The following METTL3 variants were observed in gnomAD, a reference collection of about 807,000 sequenced individuals.
The protein encoded by METTL3 is N(6)-adenosine-methyltransferase catalytic subunit METTL3.
A neutral mutation model predicts 64.3 loss-of-function variants in METTL3; 42 were observed. The ratio of observed to expected loss-of-function variants is 0.65; its 90% confidence interval spans 0.51 to 0.84. METTL3 has a LOEUF of 0.84. Ranked by LOEUF, METTL3 falls within the 40% of genes least tolerant of loss-of-function variation. METTL3 has a pLI of 0.00. For missense variants in METTL3, 435 were observed against 722.3 expected (o/e 0.60, Z 4.56); for synonymous variants, 256 against 263.6 (o/e 0.97, Z 0.28).
At chr14:21,502,311 A>G (rs1381527503) in intron 3 of METTL3, 1 of 166,266 alleles carries the variant, frequency 6.0e-6, no homozygotes, top group Non-Finnish European at 1.3e-5. Context: ...GGAATGAGCC[A>G]TTGTGCCTAG....
chr14:21,500,771 C>T (rs1305890026), intron 5 of METTL3, 89 bp from the exon 6 acceptor site: 2 of 1,469,308 alleles, frequency 1.4e-6, no homozygotes, highest in Non-Finnish European at 1.9e-6. Flanking sequence ...TTTTCCTATT[C>T]CCTTAAAAGC....
intron 1 of METTL3, 105 bp from the exon 2 acceptor site, chr14:21,503,986 TG>T: frequency 9.3e-7 from 1 of 1,070,130 alleles, no homozygotes; most frequent in Non-Finnish European, 1.3e-6. Context: ...TCTTTCATTT[TG>T]TGCAGGAAAT....
At chr14:21,508,689 G>T (rs1891756934) in intron 1 of METTL3, among the ~76,000 whole-genome samples, 1 of 152,172 alleles carries the variant, frequency 6.6e-6, no homozygotes, top group Admixed American at 6.5e-5. Flanking sequence ...GAGGTTGGGA[G>T]TTTGAGACCA....
In METTL3 at chr14:21,503,805, A is replaced by C. The variant is rs1227528089; in HGVS notation, c.177T>G (p.Gly59=). The C allele has an allele frequency of 6.2e-7, 1 of 1,614,250 alleles. No homozygotes were observed. Among genetic ancestry groups the C allele is most frequent in the East Asian group, 2.2e-5 (1 of 44,886 alleles). The change falls in exon 2 of 11, where the codon GGT becomes GGG. Residue 59 remains glycine, a synonymous_variant. Coordinates refer to ENST00000298717, the MANE Select transcript of METTL3 (RefSeq NM_019852.5). ...DSPVPTAPTS[G]GPKPSTASAV... is the part of the protein sequence containing the mutation. ...CTGAAGCTGTGCTGGGCTTAGGGCC[A>C]CCAGAGGTGGGTGCAGTAGGCACTG... is the stretch of plus-strand genomic sequence containing the variant.
rs761801841 is a variant in METTL3 at position 21,499,591 on chromosome 14, C to G, written c.1353G>C (p.Arg451=). 159 of 1,613,662 alleles carry G rather than the reference C, an allele frequency of 9.9e-5. No individual in the cohort carries two copies. The highest frequency in any genetic ancestry group is 1.3e-4 in the Non-Finnish European group (156 of 1,179,688). ...RECLNLWGYE[R]VDEIIWVKTN... is the part of the protein sequence containing the mutation. Reference sequence around the variant, plus strand: ...TCTTCACCCAAATAATTTCATCTACCCGTTCATACCTGTGGGGCATAAAAA... The same window carrying G: ...TCTTCACCCAAATAATTTCATCTACGCGTTCATACCTGTGGGGCATAAAAA... Residue 451 remains arginine (R), a synonymous_variant, in exon 8 of 11, where the codon CGG becomes CGC. Transcript: ENST00000298717.
rs1891676502 is a variant in METTL3, at chr14:21,505,514, T to TA, written c.101-1634dup. Among the ~76,000 whole-genome samples the TA allele has an allele frequency of 2.0e-5, 3 of 152,316 alleles. No individual in the cohort carries two copies. The South Asian group carries it at 6.2e-4, about 32-fold the overall frequency. ...TTCCCCAACATTACATTCAGAATAT[T>TA]AGAGCTGAAAATACCTTTTTTAAGG... On this transcript the variant is annotated intron_variant, in intron 1 of 10. Transcript: ENST00000298717.
At chr14:21,507,385 C>T (rs1445679020) in intron 1 of METTL3, among the ~76,000 whole-genome samples, 5 of 152,026 alleles carry the variant, frequency 3.3e-5, no homozygotes, top group Admixed American at 6.6e-5. Context: ...TGTGGCCGGG[C>T]GCGGTGGCTC....
chr14:21,501,427 T>C, intron 4 of METTL3: 1 of 546,378 alleles, frequency 1.8e-6, no homozygotes, highest in Non-Finnish European at 3.2e-6. Context: ...AGGTTCCTTT[T>C]CTCCTAAGAT....
chr14:21,499,358 C>T lies in METTL3; in HGVS notation c.1466G>A (p.Gly489Glu), dbSNP rs757005746. ...ACCCTGGTTGAAGCCTTGGGGATTTCCTTTGACACCAACCTGCTCACCACA... is the reference window on the plus strand; with the variant it reads ...ACCCTGGTTGAAGCCTTGGGGATTTTCTTTGACACCAACCTGCTCACCACA... ...GKEHCLVGVK[G>E]NPQGFNQGLD... is the part of the protein sequence containing the mutation. The change falls in exon 9 of 11, where the codon GGA (glycine) becomes GAA (glutamate). Residue 489 changes from glycine to glutamate, a missense_variant. Coordinates refer to ENST00000298717, the MANE Select transcript of METTL3 (RefSeq NM_019852.5). The T allele has an allele frequency of 6.2e-7, 1 of 1,614,176 alleles. No homozygotes were observed. The highest frequency in any genetic ancestry group is 1.7e-5 in the Admixed American group (1 of 60,014).
rs1594437824 is a variant in METTL3 at position 21,499,609 on chromosome 14, C to T, written c.1344-9G>A. 6.2e-7 allele frequency: 1 copy of T among 1,611,256 alleles called. No homozygotes were observed. The highest frequency in any genetic ancestry group is 2.2e-5 in the East Asian group (1 of 44,872). On this transcript the variant is annotated splice_polypyrimidine_tract_variant and intron_variant, in intron 7 of 10. Transcript: ENST00000298717. ...CATCTACCCGTTCATACCTGTGGGG[C>T]ATAAAAAAGAACTAGAATTTTAGCC... is the stretch of plus-strand genomic sequence containing the variant.
At chr14:21,498,983 T>C (rs1230479771) in intron 10 of METTL3, 42 bp downstream of exon 10, 2 of 1,355,294 alleles carry the variant, frequency 1.5e-6, no homozygotes, top group East Asian at 2.3e-5. Context: ...TAATCATAAA[T>C]AATAGCCCCT....
intron 5 of METTL3, 66 bp downstream of exon 5, chr14:21,500,847 C>T (rs769964672): frequency 3.3e-6 from 5 of 1,496,558 alleles, no homozygotes; most frequent in South Asian, 2.4e-5. Flanking sequence ...GCTTTCTTAA[C>T]GTGTATGGCT....
In METTL3 at chr14:21,500,648, C is replaced by T; in HGVS notation, c.1151G>A (p.Ser384Asn). 1 of 1,614,136 alleles carries T rather than the reference C, an allele frequency of 6.2e-7. No individual in the cohort carries two copies. Among genetic ancestry groups the T allele is most frequent in the Non-Finnish European group, 8.5e-7 (1 of 1,180,000 alleles). ...CACAACTGCAAACTTGCCCAAGATA[C>T]TGACGTCCAGGTAGCGGATATCACA... ...ICCDIRYLDV[S>N]ILGKFAVVMA... Residue 384 changes from serine to asparagine, a missense_variant, in exon 6 of 11, where the codon AGT (serine) becomes AAT (asparagine). Coordinates refer to ENST00000298717, the MANE Select transcript of METTL3 (RefSeq NM_019852.5).
chr14:21,503,715 C>T lies in METTL3; in HGVS notation c.267G>A (p.Leu89=), dbSNP rs748396287. 22 of 1,614,120 alleles carry T rather than the reference C, an allele frequency of 1.4e-5. No individual in the cohort carries two copies. Among genetic ancestry groups the T allele is most frequent in the Non-Finnish European group, 1.8e-5 (21 of 1,180,054 alleles). ...EKKLLHHLSD[L]ALTLPTDAVS... is the part of the protein sequence containing the mutation. ...CAGCATCAGTGGGCAATGTTAAGGC[C>T]AGATCAGAGAGGTGGTGTAGCAACT... Residue 89 remains leucine (L), a synonymous_variant, in exon 2 of 11, where the codon CTG becomes CTA. Transcript: ENST00000298717.
At chr14:21,500,376 AAAG>A in intron 6 of METTL3, 116 bp downstream of exon 6, 2 of 1,031,194 alleles carry the variant, frequency 1.9e-6, no homozygotes, top group Non-Finnish European at 2.9e-6. Flanking sequence ...AAAAAGAAAA[AAAG>A]ACTAAATCAG....
intron 5 of METTL3, 27 bp from the exon 6 acceptor site, chr14:21,500,709 TC>T: frequency 6.3e-7 from 1 of 1,591,802 alleles, no homozygotes; most frequent in Non-Finnish European, 8.6e-7. Flanking sequence ...TTGGTCATCT[TC>T]CCTACTTTAA....
At chr14:21,501,426 T>A in intron 4 of METTL3, 1 of 546,564 alleles carries the variant, frequency 1.8e-6, no homozygotes, top group Non-Finnish European at 3.2e-6. Flanking sequence ...TAGGTTCCTT[T>A]TCTCCTAAGA....
chr14:21,503,716 A>G lies in METTL3; in HGVS notation c.266T>C (p.Leu89Pro). The part of the protein sequence containing the change: ...EKKLLHHLSD[L>P]ALTLPTDAVS... ...AGCATCAGTGGGCAATGTTAAGGCC[A>G]GATCAGAGAGGTGGTGTAGCAACTT... The change falls in exon 2 of 11, where the codon CTG becomes CCG. Residue 89 changes from leucine to proline, a missense_variant. Coordinates refer to ENST00000298717, the MANE Select transcript of METTL3 (RefSeq NM_019852.5). 6.2e-7 allele frequency: 1 copy of G among 1,614,234 alleles called. No individual in the cohort carries two copies. The highest frequency in any genetic ancestry group is 8.5e-7 in the Non-Finnish European group (1 of 1,180,036).
chr14:21,502,065 G>A (rs1891583178), intron 3 of METTL3, among the ~76,000 whole-genome samples, 162 bp from the exon 4 acceptor site: 1 of 146,254 alleles, frequency 6.8e-6, no homozygotes, highest in African/African-American at 2.5e-5. Flanking sequence ...ACCCAGGCCA[G>A]AGTGTAGTTG....
Sources: gnomAD v4.1 joint callset for allele counts (sites outside exome capture counted in the v4.1 genomes callset) on GRCh38, gnomAD v4.1.1 for gene constraint, MANE v1.5 for transcripts, NCBI Gene and HGNC (gene_info 2026-07-23, HGNC 2026-07-21) for gene names.